Variants in SYT17 observed in about 807,000 individuals in gnomAD.
The protein encoded by SYT17 is synaptotagmin-17.
Under a neutral mutation model 46.7 loss-of-function variants are expected in SYT17, and 22 were observed. That is an observed-to-expected ratio of 0.47 (90% CI 0.34 to 0.67). The LOEUF (loss-of-function observed/expected upper bound fraction) is 0.67. SYT17 is among the 30% of genes least tolerant of loss of function. SYT17 has a pLI of 0.01. For missense variants in SYT17, 519 were observed against 612.8 expected (o/e 0.85, Z 1.62); for synonymous variants, 251 against 248.4 (o/e 1.01, Z -0.10).
rs557260983 is a variant in SYT17, at chr16:19,215,841, C to T, written c.952-7204C>T. Among the ~76,000 whole-genome samples, 20 of 152,322 alleles carry T rather than the reference C, an allele frequency of 1.3e-4. No individual in the cohort carries two copies. The South Asian group carries it at 4.1e-3, about 32-fold the overall frequency. Reference sequence around the variant, plus strand: ...AGTTTTAATTAGACTTACAATTCCACGTGGCTGGGGAAGCCTTGCAATCAT... The same window carrying T: ...AGTTTTAATTAGACTTACAATTCCATGTGGCTGGGGAAGCCTTGCAATCAT... On this transcript the variant is annotated intron_variant, in intron 5 of 7. Transcript: ENST00000355377.
chr16:19,267,029 C>A lies in SYT17; in HGVS notation c.1378C>A (p.Arg460=), dbSNP rs778880553. The A allele has an allele frequency of 3.1e-6, 5 of 1,612,250 alleles. No individual in the cohort carries two copies. Among genetic ancestry groups the A allele is most frequent in the Admixed American group, 1.7e-5 (1 of 59,792 alleles). The change falls in exon 8 of 8, where the codon CGA becomes AGA. Residue 460 remains arginine, a synonymous_variant. Coordinates refer to ENST00000355377, the MANE Select transcript of SYT17 (RefSeq NM_016524.4). ...AVEQWHSLRS[R]AECDRVSPAS... is the part of the protein sequence containing the mutation. ...GGAGCAGTGGCATAGCCTGAGGTCCCGAGCTGAGTGTGACCGCGTGTCTCC... is the reference window on the plus strand; with the variant it reads ...GGAGCAGTGGCATAGCCTGAGGTCCAGAGCTGAGTGTGACCGCGTGTCTCC...
intron 5 of SYT17, among the ~76,000 whole-genome samples, chr16:19,210,449 TAAGGGTATTTTTTTTTAA>T (rs1356374656): frequency 4.0e-5 from 6 of 151,884 alleles, no homozygotes; most frequent in South Asian, 2.1e-4. Flanking sequence ...CCCTCTGATC[TAAGGGTATTTTTTTTTAA>T]AAGGGTATTT....
chr16:19,232,839 TAAACAAAC>T (rs57954740), intron 7 of SYT17, among the ~76,000 whole-genome samples: 26,163 of 150,132 alleles, frequency 0.17, 2,870 homozygotes, highest in Non-Finnish European at 0.25. Context: ...CTCAAAAACA[TAAACAAAC>T]AAACAAACAA....
chr16:19,263,192 T>G (rs922964254), intron 7 of SYT17, among the ~76,000 whole-genome samples: 2 of 152,108 alleles, frequency 1.3e-5, no homozygotes, highest in South Asian at 2.1e-4. Flanking sequence ...CCAGAACATT[T>G]TTATCACCCC....
intron 7 of SYT17, among the ~76,000 whole-genome samples, chr16:19,234,325 C>CAAGAA (rs1368865541): frequency 3.9e-5 from 6 of 151,956 alleles, no homozygotes; most frequent in Admixed American, 6.6e-5. Flanking sequence ...GACCCGGTCT[C>CAAGAA]AAGAAAAGAA....
At chr16:19,251,912 G>T (rs1968103878) in intron 7 of SYT17, among the ~76,000 whole-genome samples, 1 of 152,056 alleles carries the variant, frequency 6.6e-6, no homozygotes. Context: ...TGTTACCGCT[G>T]TTCAAAACAT....
intron 7 of SYT17, among the ~76,000 whole-genome samples, chr16:19,264,755 C>A (rs116304596): frequency 0.015 from 2,248 of 152,126 alleles, 47 homozygotes; most frequent in African/African-American, 0.051. Context: ...CTATGTCTGG[C>A]TGATTTTTTG....
At chr16:19,247,877 A>G (rs1213577659) in intron 7 of SYT17, among the ~76,000 whole-genome samples, 1 of 152,226 alleles carries the variant, frequency 6.6e-6, no homozygotes, top group Admixed American at 6.5e-5. Flanking sequence ...TGATAAATGG[A>G]CTTCAACAGG....
At chr16:19,216,521 A>C (rs568195288) in intron 5 of SYT17, among the ~76,000 whole-genome samples, 1 of 151,732 alleles carries the variant, frequency 6.6e-6, no homozygotes. Flanking sequence ...TCCTCATGCT[A>C]TCCCTCCCTT....
chr16:19,169,578 T>G, intron 1 of SYT17, among the ~76,000 whole-genome samples: 1 of 152,200 alleles, frequency 6.6e-6, no homozygotes, highest in Non-Finnish European at 1.5e-5. Flanking sequence ...CCCATTCCCC[T>G]CTGGGTCACA....
chr16:19,201,027 A>G (rs541980486), intron 5 of SYT17, among the ~76,000 whole-genome samples: 3 of 152,254 alleles, frequency 2.0e-5, no homozygotes, highest in Non-Finnish European at 4.4e-5. Flanking sequence ...GGCTCTCTCA[A>G]TGGTCCCTCA....
chr16:19,177,942 T>TA (rs1378548917), intron 3 of SYT17, among the ~76,000 whole-genome samples: 4 of 152,232 alleles, frequency 2.6e-5, no homozygotes, highest in Non-Finnish European at 5.9e-5. Flanking sequence ...GTGTGCCATT[T>TA]AGAGTTTAGC....
rs755519994 is a variant in SYT17 at position 19,266,903 on chromosome 16, A to G, written c.1252A>G (p.Ser418Gly). 9.9e-6 allele frequency: 16 copies of G among 1,613,480 alleles called. No homozygotes were observed. Among genetic ancestry groups the G allele is most frequent in the Non-Finnish European group, 1.4e-5 (16 of 1,179,938 alleles). ...FTVFGHNMKS[S>G]NDFIGRIVIG... ...AGTTTTCGGCCACAACATGAAGAGC[A>G]GCAATGACTTCATCGGGAGGATCGT... Residue 418 changes from serine (S) to glycine (G), a missense_variant, in exon 8 of 8, where the codon AGC (serine) becomes GGC (glycine). Physicochemically the swap from Ser to Gly is moderately conservative, Grantham distance 56. Coordinates refer to ENST00000355377, the MANE Select transcript of SYT17 (RefSeq NM_016524.4).
At chr16:19,178,037 T>G (rs577367835) in intron 3 of SYT17, among the ~76,000 whole-genome samples, 3 of 152,264 alleles carry the variant, frequency 2.0e-5, no homozygotes, top group African/African-American at 7.2e-5. Flanking sequence ...TAGTTTGTTT[T>G]CTGTTGTGAT....
chr16:19,224,487 G>A (rs758596352), intron 6 of SYT17, among the ~76,000 whole-genome samples, 196 bp from the exon 7 acceptor site: 17 of 152,114 alleles, frequency 1.1e-4, no homozygotes, highest in East Asian at 1.9e-4. Context: ...GTGAACTGAC[G>A]GATGGAAAGA....
At chr16:19,249,330 G>A (rs1193251040) in intron 7 of SYT17, among the ~76,000 whole-genome samples, 1 of 132,584 alleles carries the variant, frequency 7.5e-6, no homozygotes, top group Non-Finnish European at 1.7e-5. Context: ...TATGGTGGAA[G>A]AAAGCAGCAG....
rs144884572 is a variant in SYT17 at position 19,192,346 on chromosome 16, G to A, written c.951+8199G>A. Among the ~76,000 whole-genome samples, 1,149 of 152,200 alleles carry A rather than the reference G, an allele frequency of 7.5e-3. 10 individuals carry two copies. Among genetic ancestry groups the A allele is most frequent in the African/African-American group, 0.026 (1,070 of 41,530 alleles). On this transcript the variant is annotated intron_variant, in intron 5 of 7. Transcript: ENST00000355377. Reference sequence around the variant, plus strand: ...TGAGGCATGAGAATCGCTTGAATCCGGGAGACAGAGGCTGCAGTGAGCCAA... The same window carrying A: ...TGAGGCATGAGAATCGCTTGAATCCAGGAGACAGAGGCTGCAGTGAGCCAA...
chr16:19,171,409 T>G (rs1769656481), intron 1 of SYT17: 1 of 152,674 alleles, frequency 6.5e-6, no homozygotes. Flanking sequence ...CTGCAACCTC[T>G]GCTTCCCAGG....
At chr16:19,229,485 G>C (rs998024776) in intron 7 of SYT17, among the ~76,000 whole-genome samples, 6 of 152,110 alleles carry the variant, frequency 3.9e-5, no homozygotes, top group Non-Finnish European at 8.8e-5. Flanking sequence ...ATAGTACCAA[G>C]GGAGATGATG....
Sources: allele counts gnomAD v4.1 joint callset (sites outside exome capture counted in the v4.1 genomes callset), GRCh38; gene constraint gnomAD v4.1.1; transcripts MANE v1.5; gene names NCBI Gene and HGNC (gene_info 2026-07-23, HGNC 2026-07-21).